The following AGPS variants were observed in gnomAD, a reference collection of about 807,000 sequenced individuals.
AGPS encodes alkyldihydroxyacetonephosphate synthase, peroxisomal.
A neutral mutation model predicts 90.7 loss-of-function variants in AGPS; 26 were observed. That is an observed-to-expected ratio of 0.29 (90% CI 0.21 to 0.40). The LOEUF is 0.40. Ranked by LOEUF, AGPS falls within the 10% of genes least tolerant of loss-of-function variation. AGPS has a pLI of 1.00. For missense variants in AGPS, 540 were observed against 816.1 expected (o/e 0.66, Z 4.12); for synonymous variants, 294 against 285.3 (o/e 1.03, Z -0.31).
chr2:177,434,355 A>G lies in AGPS; in HGVS notation c.379A>G (p.Thr127Ala). The change falls in exon 3 of 20, where the codon ACA (threonine) becomes GCA (alanine). Residue 127 changes from threonine to alanine, a missense_variant. By Grantham distance (58) the Thr-to-Ala change is moderately conservative. Coordinates refer to ENST00000264167, the MANE Select transcript of AGPS (RefSeq NM_003659.4). The part of the protein sequence containing the change: ...RYPLSGMGLP[T>A]FKEWIQNTLG... Reference sequence around the variant, plus strand: ...CCCTCTTAGTGGCATGGGTTTACCAACATTTAAAGAATGGATCCAAAATAC... The same window carrying G: ...CCCTCTTAGTGGCATGGGTTTACCAGCATTTAAAGAATGGATCCAAAATAC... The G allele has an allele frequency of 6.2e-7, 1 of 1,613,132 alleles. No individual in the cohort carries two copies. The highest frequency in any genetic ancestry group is 8.5e-7 in the Non-Finnish European group (1 of 1,179,364).
rs1344712804 is a variant in AGPS, at chr2:177,538,256, T to C, written c.*61T>C. 28 of 1,513,232 alleles carry C rather than the reference T, an allele frequency of 1.9e-5. No homozygotes were observed. In the Admixed American group the frequency reaches 4.4e-4, roughly 24 times the overall value. 93.7% of individuals were successfully genotyped at this position (1,513,232 alleles called of 1,614,324 possible). On this transcript the variant is annotated 3_prime_UTR_variant, in exon 20 of 20. Transcript: ENST00000264167. Reference sequence around the variant, plus strand: ...TTTTTTAAGTTTTCAACTGTGGTTATACTAGTAATCAAATATATCATGGAC... The same window carrying C: ...TTTTTTAAGTTTTCAACTGTGGTTACACTAGTAATCAAATATATCATGGAC...
At chr2:177,460,228 T>C (rs1326472288) in intron 8 of AGPS, among the ~76,000 whole-genome samples, 2 of 152,168 alleles carry the variant, frequency 1.3e-5, no homozygotes, top group African/African-American at 2.4e-5. Context: ...GATGGATTGA[T>C]GGGTGCAGCA....
chr2:177,420,235 T>C (rs1685907057), intron 1 of AGPS, 34 bp from the exon 2 acceptor site: 6 of 1,328,064 alleles, frequency 4.5e-6, no homozygotes, highest in Non-Finnish European at 5.4e-6. Context: ...ATGTTTAGCA[T>C]TGGTCTCACT....
chr2:177,443,463 A>C (rs556789522), intron 7 of AGPS, among the ~76,000 whole-genome samples: 1 of 152,204 alleles, frequency 6.6e-6, no homozygotes, highest in South Asian at 2.1e-4. Context: ...CTTGTCATTT[A>C]ACTCTTTATC....
chr2:177,492,456 C>A (rs1165264695), intron 11 of AGPS, among the ~76,000 whole-genome samples: 2 of 152,082 alleles, frequency 1.3e-5, no homozygotes, highest in Non-Finnish European at 2.9e-5. Flanking sequence ...AAACTGGTAA[C>A]GTTTTTAGAA....
chr2:177,446,308 C>G (rs1362809379), intron 8 of AGPS, among the ~76,000 whole-genome samples: 3 of 152,122 alleles, frequency 2.0e-5, no homozygotes, highest in African/African-American at 4.8e-5. Context: ...CACCCACTAC[C>G]GCGCCTGGCT....
In AGPS at chr2:177,541,324, C is replaced by G. The variant is rs1470878508; in HGVS notation, c.*3129C>G. 6.6e-6 allele frequency: 1 copy of G among 152,130 alleles called. No individual in the cohort carries two copies. Among genetic ancestry groups the G allele is most frequent in the Non-Finnish European group, 1.5e-5 (1 of 68,022 alleles). 9.4% of individuals were successfully genotyped at this position (152,130 alleles called of 1,614,324 possible). A position where few individuals can be genotyped will look rare whatever the true frequency, so the allele number is the denominator to read the frequency against. ...TCTGCATGTTAGCACCCAGACTTTC[C>G]TTTGTCATATTCCTTTATAGCTACA... On this transcript the variant is annotated 3_prime_UTR_variant, in exon 20 of 20. Coordinates refer to ENST00000264167, the MANE Select transcript of AGPS (RefSeq NM_003659.4).
intron 10 of AGPS, among the ~76,000 whole-genome samples, chr2:177,474,291 A>T: frequency 6.6e-6 from 1 of 152,186 alleles, no homozygotes; most frequent in East Asian, 1.9e-4. Flanking sequence ...CTCAGCTAAA[A>T]TCTTGTTGTA....
intron 2 of AGPS, among the ~76,000 whole-genome samples, chr2:177,425,471 A>G (rs4893945): frequency 0.69 from 104,660 of 151,398 alleles, 36,756 homozygotes; most frequent in Admixed American, 0.77. Flanking sequence ...AAATACAAAA[A>G]TTAGCAGGGC....
chr2:177,436,564 T>C (rs1476946158), intron 3 of AGPS, among the ~76,000 whole-genome samples, 200 bp from the exon 4 acceptor site: 1 of 152,216 alleles, frequency 6.6e-6, no homozygotes, highest in African/African-American at 2.4e-5. Context: ...GTCTTCCCTG[T>C]TGATTACAAT....
rs1341320084 is a variant in AGPS at position 177,445,600 on chromosome 2, A to G, written c.844A>G (p.Ile282Val). 3.7e-6 allele frequency: 6 copies of G among 1,612,626 alleles called. No homozygotes were observed. Among genetic ancestry groups the G allele is most frequent in the Non-Finnish European group, 4.2e-6 (5 of 1,179,070 alleles). ...NNLTAHVEAG[I>V]TGQELERQLK... The stretch of plus-strand genomic sequence containing the variant: ...TTTGACAGCTCATGTAGAGGCTGGC[A>G]TAACAGGACAAGAGTTGGAAAGACA... The change falls in exon 8 of 20, where the codon ATA (isoleucine) becomes GTA (valine). Residue 282 changes from isoleucine to valine, a missense_variant. By Grantham distance (29) the Ile-to-Val change is conservative (BLOSUM62 3). This residue lies in a region of AGPS where 405 missense variants were observed against 692.1 expected (regional missense o/e 0.59). Transcript: ENST00000264167.
chr2:177,470,270 C>T (rs1184069132), intron 10 of AGPS, among the ~76,000 whole-genome samples: 1 of 152,044 alleles, frequency 6.6e-6, no homozygotes, highest in Admixed American at 6.6e-5. Context: ...CAGGGTAGTT[C>T]GAGAGATAAT....
chr2:177,475,192 A>G (rs559750713), intron 10 of AGPS, among the ~76,000 whole-genome samples: 36 of 152,360 alleles, frequency 2.4e-4, no homozygotes, highest in African/African-American at 8.4e-4. Flanking sequence ...CCAAGATACC[A>G]GGAATTTCTA....
intron 11 of AGPS, among the ~76,000 whole-genome samples, chr2:177,487,605 A>G (rs1319434981): frequency 6.6e-6 from 1 of 152,192 alleles, no homozygotes; most frequent in African/African-American, 2.4e-5. Flanking sequence ...CACTTACCTT[A>G]TAAAACACTT....
chr2:177,442,714 G>C (rs1686644526), intron 7 of AGPS, among the ~76,000 whole-genome samples: 1 of 151,698 alleles, frequency 6.6e-6, no homozygotes, highest in Admixed American at 6.6e-5. Context: ...GAGTGTGGTG[G>C]TGTGTGCCTG....
At chr2:177,440,829 CAATT>C (rs748582611) in intron 5 of AGPS, 132 bp from the exon 6 acceptor site, 2 of 701,126 alleles carry the variant, frequency 2.9e-6, no homozygotes, top group East Asian at 2.7e-5. Flanking sequence ...TTTTAGTACT[CAATT>C]AACTCATTGT....
chr2:177,523,204 T>G (rs1689251039), intron 18 of AGPS, among the ~76,000 whole-genome samples: 1 of 152,254 alleles, frequency 6.6e-6, no homozygotes, highest in Non-Finnish European at 1.5e-5. Flanking sequence ...TCTAATAGCT[T>G]TATAACTCTG....
At chr2:177,439,789 A>G (rs975641644) in intron 5 of AGPS, among the ~76,000 whole-genome samples, 3 of 152,088 alleles carry the variant, frequency 2.0e-5, no homozygotes, top group Non-Finnish European at 4.4e-5. Context: ...CCTCCATGCC[A>G]TCTCTTATTA....
At chr2:177,415,462 C>T (rs961399085) in intron 1 of AGPS, among the ~76,000 whole-genome samples, 1 of 152,158 alleles carries the variant, frequency 6.6e-6, no homozygotes, top group East Asian at 1.9e-4. Context: ...ATATTTAAGC[C>T]ACTTTGCATT....
Sources: allele counts gnomAD v4.1 joint callset (sites outside exome capture counted in the v4.1 genomes callset), GRCh38; gene constraint gnomAD v4.1.1; regional missense constraint gnomAD v4.1.1; transcripts MANE v1.5; gene names NCBI Gene and HGNC (gene_info 2026-07-23, HGNC 2026-07-21).